Variants in CADM2 observed in about 807,000 individuals in gnomAD.
CADM2 encodes the protein cell adhesion molecule 2.
Under a neutral mutation model 49.8 loss-of-function variants are expected in CADM2, and 12 were observed. That is an observed-to-expected ratio of 0.24 (90% CI 0.15 to 0.39). CADM2 has a LOEUF of 0.39. CADM2 is among the 10% of genes least tolerant of loss of function. The pLI is 1.00. For missense variants in CADM2, 378 were observed against 492.3 expected (o/e 0.77, Z 2.20); for synonymous variants, 214 against 175.4 (o/e 1.22, Z -1.74).
intron 1 of CADM2, among the ~76,000 whole-genome samples, chr3:85,609,999 C>T (rs564534593): frequency 5.3e-5 from 8 of 151,780 alleles, no homozygotes; most frequent in Non-Finnish European, 7.4e-5. Context: ...ATAATATTTC[C>T]GCTGTATTTA....
At chr3:85,170,848 T>C (rs1358446234) in intron 1 of CADM2, among the ~76,000 whole-genome samples, 1 of 152,060 alleles carries the variant, frequency 6.6e-6, no homozygotes, top group African/African-American at 2.4e-5. Context: ...TAGAACAGAG[T>C]TGAACTTTAA....
chr3:85,692,030 A>T (rs2066405213), intron 1 of CADM2, among the ~76,000 whole-genome samples: 1 of 152,218 alleles, frequency 6.6e-6, no homozygotes. Flanking sequence ...ATGTTAAATG[A>T]CGAGTTAATG....
chr3:85,267,574 C>G (rs893070734), intron 1 of CADM2, among the ~76,000 whole-genome samples: 3 of 151,632 alleles, frequency 2.0e-5, no homozygotes, highest in South Asian at 2.1e-4. Context: ...ATTATATTAT[C>G]TTCCTTTCAC....
chr3:85,784,375 AAG>A (rs1209254774), intron 2 of CADM2, among the ~76,000 whole-genome samples: 22 of 149,500 alleles, frequency 1.5e-4, no homozygotes, highest in Non-Finnish European at 2.5e-4. Context: ...ACTTCTTTGA[AAG>A]AGGAATTTTA....
chr3:85,710,569 C>A (rs904843369), intron 1 of CADM2, among the ~76,000 whole-genome samples: 1 of 152,018 alleles, frequency 6.6e-6, no homozygotes, highest in African/African-American at 2.4e-5. Flanking sequence ...GGTATAACTT[C>A]GAAATTGTTT....
At chr3:85,222,983 C>T (rs1212251322) in intron 1 of CADM2, among the ~76,000 whole-genome samples, 12 of 152,076 alleles carry the variant, frequency 7.9e-5, no homozygotes, top group Non-Finnish European at 1.8e-4. Context: ...TACTATCGAA[C>T]TTAAAATATT....
At chr3:85,617,439 G>A (rs565594819) in intron 1 of CADM2, among the ~76,000 whole-genome samples, 1 of 152,220 alleles carries the variant, frequency 6.6e-6, no homozygotes, top group South Asian at 2.1e-4. Flanking sequence ...TGTCCCTATG[G>A]GGTTGCAGTA....
At chr3:84,974,401 A>T (rs2031677267) in intron 1 of CADM2, among the ~76,000 whole-genome samples, 1 of 152,104 alleles carries the variant, frequency 6.6e-6, no homozygotes, top group Admixed American at 6.6e-5. Flanking sequence ...GTTTTAAAAG[A>T]AACTTTAATT....
Position 85,231,278 on chromosome 3 carries a change from C to T in CADM2, c.61+271610C>T, listed in dbSNP as rs557675460. 1.4e-4 allele frequency among the ~76,000 whole-genome samples: 22 copies of T among 152,082 alleles called. 1 individual carries two copies. In the South Asian group the frequency reaches 4.2e-3, roughly 29 times the overall value. On this transcript the variant is annotated intron_variant, in intron 1 of 9. Transcript: ENST00000383699. ...TATGTTTTTTCTTTGTGTGCAAATT[C>T]TCCCAAATTTATAAGAGGATGAAGC...
At chr3:85,584,057 A>G (rs891050843) in intron 1 of CADM2, among the ~76,000 whole-genome samples, 3 of 152,068 alleles carry the variant, frequency 2.0e-5, no homozygotes, top group Non-Finnish European at 4.4e-5. Flanking sequence ...CATATTGTTA[A>G]AATTATGCAA....
At chr3:85,614,728 T>G (rs2063757257) in intron 1 of CADM2, among the ~76,000 whole-genome samples, 2 of 151,884 alleles carry the variant, frequency 1.3e-5, no homozygotes, top group African/African-American at 4.8e-5. Context: ...CCTACACACA[T>G]GCAAACCTCT....
intron 1 of CADM2, among the ~76,000 whole-genome samples, chr3:85,276,164 A>G (rs1024011908): frequency 4.6e-5 from 7 of 151,324 alleles, no homozygotes; most frequent in Admixed American, 2.7e-4. Flanking sequence ...AAACAAAAAC[A>G]AGCCATTAAT....
chr3:85,951,825 G>T (rs59679198), intron 7 of CADM2, among the ~76,000 whole-genome samples: 1 of 150,836 alleles, frequency 6.6e-6, no homozygotes, highest in Non-Finnish European at 1.5e-5. Flanking sequence ...TGTGCTAAAG[G>T]CACAGAGAAG....
intron 1 of CADM2, among the ~76,000 whole-genome samples, chr3:85,218,840 T>C (rs980225657): frequency 2.0e-5 from 3 of 152,138 alleles, no homozygotes; most frequent in Admixed American, 2.0e-4. Flanking sequence ...GTGATGGCAA[T>C]TTTCCAAATC....
intron 1 of CADM2, among the ~76,000 whole-genome samples, chr3:85,083,823 A>T (rs974953083): frequency 6.6e-6 from 1 of 152,146 alleles, no homozygotes; most frequent in Non-Finnish European, 1.5e-5. Flanking sequence ...ACTGCCACAG[A>T]TTTATATTAT....
chr3:86,040,596 C>G (rs7653231), intron 8 of CADM2, among the ~76,000 whole-genome samples: 2 of 152,046 alleles, frequency 1.3e-5, no homozygotes, highest in African/African-American at 2.4e-5. Context: ...AAGACCAAAT[C>G]GACGTCTGAT....
intron 1 of CADM2, among the ~76,000 whole-genome samples, chr3:85,171,335 A>G (rs2040620165): frequency 6.6e-6 from 1 of 152,198 alleles, no homozygotes; most frequent in Admixed American, 6.5e-5. Context: ...TTATTCTATT[A>G]AATCAAAAGA....
intron 5 of CADM2, among the ~76,000 whole-genome samples, chr3:85,894,897 G>A (rs1715006532): frequency 6.6e-6 from 1 of 152,220 alleles, no homozygotes; most frequent in Non-Finnish European, 1.5e-5. Flanking sequence ...AGATTTCAGA[G>A]GATGTATGGA....
chr3:85,658,080 T>C (rs2065267554), intron 1 of CADM2, among the ~76,000 whole-genome samples: 1 of 152,076 alleles, frequency 6.6e-6, no homozygotes, highest in African/African-American at 2.4e-5. Flanking sequence ...GAGTGATTGA[T>C]TTAGTTAAGA....
Sources: gnomAD v4.1 joint callset for allele counts (sites outside exome capture counted in the v4.1 genomes callset) on GRCh38, gnomAD v4.1.1 for gene constraint, MANE v1.5 for transcripts, NCBI Gene and HGNC (gene_info 2026-07-23, HGNC 2026-07-21) for gene names.